KIF16B: variants seen among roughly 807,000 people sequenced by gnomAD.
The protein encoded by KIF16B is kinesin-like protein KIF16B.
In KIF16B, 98 loss-of-function variants were observed where a neutral mutation model predicts 156.3. That is an observed-to-expected ratio of 0.63 (90% CI 0.53 to 0.74). KIF16B has a LOEUF of 0.74. Ranked by LOEUF, KIF16B falls within the 30% of genes least tolerant of loss-of-function variation. The pLI is 0.00. For missense variants in KIF16B, 1,421 were observed against 1,606.5 expected (o/e 0.88, Z 1.97); for synonymous variants, 564 against 583.7 (o/e 0.97, Z 0.49).
intron 7 of KIF16B, among the ~76,000 whole-genome samples, chr20:16,507,479 T>C (rs2068820829): frequency 6.6e-6 from 1 of 152,196 alleles, no homozygotes; most frequent in African/African-American, 2.4e-5. Context: ...TCTCCACCTC[T>C]TGATCATAAT....
intron 1 of KIF16B, among the ~76,000 whole-genome samples, chr20:16,553,644 T>A (rs955737049): frequency 2.0e-5 from 3 of 152,228 alleles, no homozygotes; most frequent in Admixed American, 2.0e-4. Flanking sequence ...TACTTTACTA[T>A]CTACACAGCA....
At position 16,272,164 on chromosome 20, in the gene KIF16B, T is replaced by C. The variant is rs183406197; in HGVS notation, c.*1089A>G. 3 of 152,728 alleles carry C rather than the reference T, an allele frequency of 2.0e-5. No individual in the cohort carries two copies. Among genetic ancestry groups the C allele is most frequent in the Admixed American group, 2.0e-4 (3 of 15,288 alleles). The allele number at this position is 152,728 out of a possible 1,614,324, so 9.5% of individuals were successfully genotyped here. A position where few individuals can be genotyped will look rare whatever the true frequency, so the allele number is the denominator to read the frequency against. On this transcript the variant is annotated 3_prime_UTR_variant, in exon 26 of 26. Coordinates refer to ENST00000354981, the MANE Select transcript of KIF16B (RefSeq NM_024704.5). ...TCAATTTAAATTTTGAAAAAGCAAA[T>C]ACATTTAATAAAATTGGTGTGAATT... is the stretch of plus-strand genomic sequence containing the variant.
chr20:16,400,532 C>G (rs1340463776), intron 17 of KIF16B, among the ~76,000 whole-genome samples: 1 of 152,172 alleles, frequency 6.6e-6, no homozygotes, highest in African/African-American at 2.4e-5. Flanking sequence ...GAGTTGAAAA[C>G]AAGGACTCAA....
intron 12 of KIF16B, among the ~76,000 whole-genome samples, chr20:16,488,960 G>A (rs1267532199): frequency 6.6e-6 from 1 of 152,198 alleles, no homozygotes; most frequent in African/African-American, 2.4e-5. Flanking sequence ...ATCAGACAAA[G>A]CCTAACCACG....
chr20:16,351,052 G>A (rs984968828), intron 23 of KIF16B, among the ~76,000 whole-genome samples: 1 of 152,002 alleles, frequency 6.6e-6, no homozygotes, highest in African/African-American at 2.4e-5. Flanking sequence ...TACCCCTGGT[G>A]ACAGGATGGA....
At chr20:16,408,124 G>A (rs1651492590) in intron 15 of KIF16B, among the ~76,000 whole-genome samples, 1 of 151,960 alleles carries the variant, frequency 6.6e-6, no homozygotes, top group African/African-American at 2.4e-5. Flanking sequence ...CCTATTTGAT[G>A]TATTGTTTTG....
At chr20:16,273,718 T>G (rs1182664469) in intron 25 of KIF16B, among the ~76,000 whole-genome samples, 1 of 152,024 alleles carries the variant, frequency 6.6e-6, no homozygotes, top group African/African-American at 2.4e-5. Flanking sequence ...GTCAAGGTAC[T>G]GTTGGATGGT....
intron 12 of KIF16B, among the ~76,000 whole-genome samples, chr20:16,431,504 C>T (rs985765523): frequency 6.6e-5 from 10 of 152,140 alleles, no homozygotes; most frequent in African/African-American, 2.2e-4. Context: ...GTTCCTACTG[C>T]TTTTGTGGTT....
At chr20:16,560,146 C>G (rs1179955430) in intron 1 of KIF16B, among the ~76,000 whole-genome samples, 1 of 152,084 alleles carries the variant, frequency 6.6e-6, no homozygotes, top group East Asian at 1.9e-4. Context: ...AGCCAAGGAC[C>G]ACTGATACCT....
intron 1 of KIF16B, among the ~76,000 whole-genome samples, chr20:16,560,126 T>A (rs960744891): frequency 2.0e-5 from 3 of 152,176 alleles, no homozygotes; most frequent in African/African-American, 7.2e-5. Flanking sequence ...AATCATCACA[T>A]GTGAGCACCA....
At chr20:16,443,250 CTG>C (rs1336395970) in intron 12 of KIF16B, among the ~76,000 whole-genome samples, 1 of 152,124 alleles carries the variant, frequency 6.6e-6, no homozygotes, top group Non-Finnish European at 1.5e-5. Context: ...ATAAATCAAA[CTG>C]TTCAAACTAC....
At chr20:16,337,032 G>C (rs1023068821) in intron 23 of KIF16B, among the ~76,000 whole-genome samples, 2 of 152,152 alleles carry the variant, frequency 1.3e-5, no homozygotes, top group Non-Finnish European at 2.9e-5. Context: ...TTTGGGAGGT[G>C]ACCCTCCTTA....
At chr20:16,565,373 G>T (rs1355357446) in intron 1 of KIF16B, among the ~76,000 whole-genome samples, 1 of 152,074 alleles carries the variant, frequency 6.6e-6, no homozygotes, top group Non-Finnish European at 1.5e-5. Flanking sequence ...ATGAGAGAAT[G>T]AAAAAATGGA....
chr20:16,367,000 A>T, intron 22 of KIF16B: 1 of 1,321,862 alleles, frequency 7.6e-7, no homozygotes, highest in Admixed American at 3.5e-5. Flanking sequence ...TAAAATATTT[A>T]CATTTTCAAT....
chr20:16,500,156 T>C (rs2068576675), intron 10 of KIF16B, among the ~76,000 whole-genome samples: 1 of 152,196 alleles, frequency 6.6e-6, no homozygotes, highest in Non-Finnish European at 1.5e-5. Flanking sequence ...AATACATAAA[T>C]CTAAGGTCCA....
chr20:16,444,883 C>T (rs963957423), intron 12 of KIF16B, among the ~76,000 whole-genome samples: 7 of 152,036 alleles, frequency 4.6e-5, no homozygotes, highest in African/African-American at 1.7e-4. Flanking sequence ...ATGTCAGAAA[C>T]AACAAAAAAA....
In KIF16B at chr20:16,423,089, A is replaced by G. The variant is rs937299142; in HGVS notation, c.1612+4015T>C. On this transcript the variant is annotated intron_variant, in intron 15 of 25. Transcript: ENST00000354981. The stretch of plus-strand genomic sequence containing the variant: ...TGCTGTATGTGTTTTCATTTTAGGT[A>G]AAGCAAGTTTCTTCAAAAGGGAGGT... 5.9e-5 allele frequency among the ~76,000 whole-genome samples: 9 copies of G among 152,112 alleles called. No individual in the cohort carries two copies. In the East Asian group the frequency reaches 1.7e-3, roughly 29 times the overall value.
At chr20:16,399,208 C>T (rs952516870) in intron 17 of KIF16B, among the ~76,000 whole-genome samples, 2 of 152,120 alleles carry the variant, frequency 1.3e-5, no homozygotes, top group African/African-American at 4.8e-5. Context: ...AGACTGCTCA[C>T]AGGGCTTGGT....
At chr20:16,518,889 T>C (rs1201221712) in intron 3 of KIF16B, among the ~76,000 whole-genome samples, 3 of 152,122 alleles carry the variant, frequency 2.0e-5, no homozygotes, top group African/African-American at 7.2e-5. Context: ...GGATGCGACC[T>C]GCCAGCCACT....
Sources: gnomAD v4.1 joint callset for allele counts (sites outside exome capture counted in the v4.1 genomes callset) on GRCh38, gnomAD v4.1.1 for gene constraint, MANE v1.5 for transcripts, NCBI Gene and HGNC (gene_info 2026-07-23, HGNC 2026-07-21) for gene names.